The following ATPAF2 variants were observed in gnomAD, a reference collection of about 807,000 sequenced individuals.
ATPAF2 encodes the protein ATP synthase mitochondrial F1 complex assembly factor 2.
In ATPAF2, 30 loss-of-function variants were observed where a neutral mutation model predicts 36.6. The observed-to-expected ratio is 0.82, with a 90% confidence interval of 0.61 to 1.11. The LOEUF is 1.11. Among genes scored for constraint, ATPAF2 ranks in the 50% most tolerant of loss-of-function variants. The probability of loss-of-function intolerance (pLI) is 0.00; values close to 1 mark genes in which losing one functional copy is unlikely to be tolerated. For missense variants in ATPAF2, 321 were observed against 372.3 expected (o/e 0.86, Z 1.13); for synonymous variants, 140 against 152.6 (o/e 0.92, Z 0.61).
intron 1 of ATPAF2, among the ~76,000 whole-genome samples, chr17:18,038,508 T>A (rs2044738658): frequency 6.6e-6 from 1 of 152,154 alleles, no homozygotes; most frequent in African/African-American, 2.4e-5. Context: ...CGGAAAACAG[T>A]CAGACAGACA....
chr17:18,029,218 A>C (rs2044592131), intron 1 of ATPAF2, among the ~76,000 whole-genome samples: 1 of 152,252 alleles, frequency 6.6e-6, no homozygotes, highest in South Asian at 2.1e-4. Context: ...AGGAACTCCA[A>C]ACATTTCCTT....
At chr17:18,017,446 G>A (rs534244587), downstream of ATPAF2, among the ~76,000 whole-genome samples, 12 of 152,360 alleles carry the variant, frequency 7.9e-5, no homozygotes, top group South Asian at 1.7e-3. Context: ...GGAAGCAGGA[G>A]GAGAGGCTGC....
intron 1 of ATPAF2, among the ~76,000 whole-genome samples, chr17:18,035,277 T>G (rs1351325083): frequency 6.6e-6 from 1 of 152,012 alleles, no homozygotes; most frequent in Non-Finnish European, 1.5e-5. Context: ...AACATTATGC[T>G]AAGTGAAAAA....
At chr17:18,028,952 C>A (rs1321760123) in intron 1 of ATPAF2, among the ~76,000 whole-genome samples, 1 of 152,138 alleles carries the variant, frequency 6.6e-6, no homozygotes, top group Non-Finnish European at 1.5e-5. Context: ...GCATGCTCTC[C>A]CACCCTCCCC....
intron 1 of ATPAF2, among the ~76,000 whole-genome samples, chr17:18,029,879 T>TAAAAAAA (rs771131818): frequency 7.5e-5 from 4 of 53,202 alleles, no homozygotes; most frequent in South Asian, 9.5e-4. Context: ...CCTTTAACGC[T>TAAAAAAA]AAAAAAAAAA....
downstream of ATPAF2, chr17:18,016,619 AC>A: frequency 6.2e-7 from 1 of 1,613,900 alleles, no homozygotes; most frequent in Non-Finnish European, 8.5e-7. Context: ...CAGTACATCG[AC>A]CACATGCAGA....
In ATPAF2 at chr17:18,036,785, C is replaced by T. The variant is rs1234864206; in HGVS notation, c.133+2096G>A. ...GAGCATCCACAAATCTAAATTAACC[C>T]TTTGTGGTCAGGCATGGTGGCTCAC... On this transcript the variant is annotated intron_variant, in intron 1 of 7. Transcript: ENST00000474627. Among the ~76,000 whole-genome samples the T allele has an allele frequency of 2.6e-5, 4 of 152,094 alleles. No homozygotes were observed. The East Asian group carries it at 5.8e-4, about 22-fold the overall frequency.
intron 1 of ATPAF2, among the ~76,000 whole-genome samples, chr17:18,034,941 TA>T (rs1360869425): frequency 3.3e-5 from 5 of 152,198 alleles, no homozygotes; most frequent in African/African-American, 1.2e-4. Flanking sequence ...ACAAGGTGGA[TA>T]AAACTTAAAA....
At position 18,038,883 on chromosome 17, in the gene ATPAF2, G is replaced by C; in HGVS notation, c.131C>G (p.Thr44Arg). 1 of 1,614,024 alleles carries C rather than the reference G, an allele frequency of 6.2e-7. No homozygotes were observed. The change falls in exon 1 of 8, where the codon ACA becomes AGA. Residue 44 changes from threonine (T) to arginine (R), a missense_variant and splice_region_variant. By Grantham distance (71) the Thr-to-Arg change is moderately conservative. Around this residue, in one of 3 missense-constraint regions of ATPAF2, gnomAD observed 53 missense variants for 91.6 expected, o/e 0.58. Transcript: ENST00000474627. The stretch of plus-strand genomic sequence containing the variant: ...AAAAGAACATGTCATGGTCTTACCT[G>C]TCGGCGGGGCGTAAGCCCGGGCTGG... ...PSPARAYAPP[T>R]ERKRFYQNVS...
Position 18,037,610 on chromosome 17 carries a change from A to AC in ATPAF2, c.133+1270_133+1271insG. 2.6e-5 allele frequency among the ~76,000 whole-genome samples: 4 copies of AC among 152,242 alleles called. No individual in the cohort carries two copies. The East Asian group carries it at 7.7e-4, about 29-fold the overall frequency. ...AAAAACACAAAAAAACAGAAGAAGA[A>AC]GAAAAAAAAAGAACTTGACAGCCAG... On this transcript the variant is annotated intron_variant, in intron 1 of 7. Transcript: ENST00000474627.
Position 18,039,132 on chromosome 17 carries a change from G to T in ATPAF2, c.-119C>A. 1 of 1,395,144 alleles carries T rather than the reference G, an allele frequency of 7.2e-7. No individual in the cohort carries two copies. The highest frequency in any genetic ancestry group is 9.8e-7 in the Non-Finnish European group (1 of 1,018,016). 86.4% of individuals were successfully genotyped at this position (1,395,144 alleles called of 1,614,324 possible). A position where few individuals can be genotyped will look rare whatever the true frequency, so the allele number is the denominator to read the frequency against. ...GGAAACCTCTCAACGCCTCCTCAGA[G>T]CCCTCAACCTCCCTTGGACGCCGCC... On this transcript the variant is annotated 5_prime_UTR_variant, in exon 1 of 8. Coordinates refer to ENST00000474627, the MANE Select transcript of ATPAF2 (RefSeq NM_145691.4). The surrounding 1 kb of genome is among the most constrained non-coding windows in gnomAD (Gnocchi z 5.3).
chr17:18,016,728 A>AG, downstream of ATPAF2: 5 of 1,174,808 alleles, frequency 4.3e-6, 2 homozygotes, highest in South Asian at 6.4e-5. Context: ...AGCCAGGAGA[A>AG]GGAAGTGCAC....
intron 7 of ATPAF2, among the ~76,000 whole-genome samples, chr17:18,019,155 A>ACACACACACC (rs1364517220): frequency 1.5e-4 from 23 of 149,812 alleles, no homozygotes; most frequent in African/African-American, 5.7e-4. Flanking sequence ...CACCACACAC[A>ACACACACACC]CACACACACA....
downstream of ATPAF2, chr17:18,015,725 TTGAG>T (rs1171390778): frequency 4.4e-6 from 1 of 227,048 alleles, no homozygotes; most frequent in African/African-American, 2.2e-5. Flanking sequence ...TTGAGAGTAA[TTGAG>T]AGAGAAGCAT....
At chr17:18,038,531 G>T (rs891729681) in intron 1 of ATPAF2, among the ~76,000 whole-genome samples, 1 of 152,198 alleles carries the variant, frequency 6.6e-6, no homozygotes, top group African/African-American at 2.4e-5. Context: ...ACAAACCTCT[G>T]AGAGAGTCTG....
chr17:18,019,999 G>T (rs1361705849), intron 7 of ATPAF2, among the ~76,000 whole-genome samples: 1 of 152,200 alleles, frequency 6.6e-6, no homozygotes, highest in Admixed American at 6.5e-5. Flanking sequence ...GACATCCAGA[G>T]AATAGTAGCG....
At chr17:18,015,497 A>C (rs2044325978), downstream of ATPAF2, 1 of 152,864 alleles carries the variant, frequency 6.5e-6, no homozygotes, top group Non-Finnish European at 1.5e-5. Flanking sequence ...GTTTCTAACA[A>C]CTTTTTACAA....
downstream of ATPAF2, chr17:18,016,202 C>T: frequency 6.2e-7 from 1 of 1,612,784 alleles, no homozygotes; most frequent in Non-Finnish European, 8.5e-7. Flanking sequence ...CAGGGTGAGT[C>T]AATCCCAAGC....
At chr17:18,028,470 G>A (rs750961712) in intron 2 of ATPAF2, 93 bp from the exon 3 acceptor site, 1,025 of 1,566,630 alleles carry the variant, frequency 6.5e-4, no homozygotes, top group Non-Finnish European at 8.2e-4. Context: ...TGCAGACAAA[G>A]CCAACTCTGA....
Sources: allele counts gnomAD v4.1 joint callset (sites outside exome capture counted in the v4.1 genomes callset), GRCh38; gene constraint gnomAD v4.1.1; regional missense constraint gnomAD v4.1.1; non-coding constraint Gnocchi (gnomAD v3.1); transcripts MANE v1.5; gene names NCBI Gene and HGNC (gene_info 2026-07-23, HGNC 2026-07-21).